Variants in PIK3AP1 observed in about 807,000 individuals in gnomAD.
PIK3AP1 encodes the protein phosphoinositide 3-kinase adapter protein 1.
A neutral mutation model predicts 88.1 loss-of-function variants in PIK3AP1; 21 were observed. The observed-to-expected ratio is 0.24, with a 90% CI of 0.17 to 0.34. The LOEUF (loss-of-function observed/expected upper bound fraction) is 0.34. Ranked by LOEUF, PIK3AP1 falls within the 10% of genes least tolerant of loss-of-function variation. The pLI is 1.00. For missense variants in PIK3AP1, 828 were observed against 1,035.7 expected, an observed-to-expected ratio of 0.80 and a Z score of 2.75; for synonymous variants, 398 against 400.0, an observed-to-expected ratio of 1.00 and a Z score of 0.06.
At position 96,702,032 on chromosome 10, in the gene PIK3AP1, A is replaced by C. The variant is rs929997625; in HGVS notation, c.430+7535T>G. The stretch of plus-strand genomic sequence containing the variant: ...TGGATGAACCTGGAGGACATTATGC[A>C]AAGTGAAATAACCCAGATACAGGAA... On this transcript the variant is annotated intron_variant, in intron 2 of 16. Transcript: ENST00000339364. Among the ~76,000 whole-genome samples the C allele has an allele frequency of 2.0e-5, 3 of 152,236 alleles. No individual in the cohort carries two copies. The East Asian group carries it at 5.8e-4, about 29-fold the overall frequency.
chr10:96,613,400 A>C (rs1849160880), intron 13 of PIK3AP1, among the ~76,000 whole-genome samples: 1 of 152,230 alleles, frequency 6.6e-6, no homozygotes, highest in Non-Finnish European at 1.5e-5. Context: ...GCTGTCAGGC[A>C]GAACGTTCTC....
At chr10:96,636,581 G>C (rs1348781916) in intron 8 of PIK3AP1, among the ~76,000 whole-genome samples, 1 of 152,182 alleles carries the variant, frequency 6.6e-6, no homozygotes, top group Non-Finnish European at 1.5e-5. Context: ...CTGCATTCCT[G>C]GATGCTCAGG....
intron 2 of PIK3AP1, among the ~76,000 whole-genome samples, chr10:96,704,094 T>G (rs561132439): frequency 8.3e-4 from 127 of 152,250 alleles, no homozygotes; most frequent in African/African-American, 3.0e-3. Flanking sequence ...TCCCAACATC[T>G]AGAAACCTGA....
Position 96,604,030 on chromosome 10 carries a change from G to A in PIK3AP1, c.2190C>T (p.Ser730=), listed in dbSNP as rs1453383935. 2 of 1,606,308 alleles carry A rather than the reference G, an allele frequency of 1.2e-6. No individual in the cohort carries two copies. Among genetic ancestry groups the A allele is most frequent in the East Asian group, 2.2e-5 (1 of 44,672 alleles). The part of the protein sequence containing the change: ...SSTASSTSNR[S]STRSLLSVSS... ...TCACACTGAGGAGGCTCCGGGTGCTGGAGCGGTTACTTGTGCTACCTAAAG... is the reference window on the plus strand; with the variant it reads ...TCACACTGAGGAGGCTCCGGGTGCTAGAGCGGTTACTTGTGCTACCTAAAG... Residue 730 remains serine, a synonymous_variant, in exon 15 of 17, where the codon TCC becomes TCT. Transcript: ENST00000339364.
intron 2 of PIK3AP1, among the ~76,000 whole-genome samples, chr10:96,707,192 A>C (rs1229101077): frequency 6.6e-6 from 1 of 152,244 alleles, no homozygotes; most frequent in Non-Finnish European, 1.5e-5. Flanking sequence ...GAAATAGTAG[A>C]AGAGATCAAT....
At chr10:96,596,114 G>T (rs530784896) in intron 16 of PIK3AP1, among the ~76,000 whole-genome samples, 1 of 152,252 alleles carries the variant, frequency 6.6e-6, no homozygotes, top group East Asian at 1.9e-4. Flanking sequence ...CAGTCCAGAT[G>T]CATGCCCCAA....
intron 13 of PIK3AP1, among the ~76,000 whole-genome samples, chr10:96,615,762 G>C (rs1312144827): frequency 6.6e-6 from 1 of 152,152 alleles, no homozygotes; most frequent in East Asian, 1.9e-4. Context: ...CATGAGCAAG[G>C]GGTCCACGGC....
At chr10:96,686,077 T>C (rs904401258) in intron 2 of PIK3AP1, among the ~76,000 whole-genome samples, 2 of 152,220 alleles carry the variant, frequency 1.3e-5, no homozygotes, top group Non-Finnish European at 2.9e-5. Flanking sequence ...AAACTGCATT[T>C]GATGCTTTAT....
intron 10 of PIK3AP1, among the ~76,000 whole-genome samples, 174 bp downstream of exon 10, chr10:96,626,534 C>A (rs1455369902): frequency 7.2e-5 from 11 of 152,334 alleles, no homozygotes; most frequent in Non-Finnish European, 1.5e-5. Context: ...GGTCATTACT[C>A]CTATTCTAGC....
chr10:96,660,214 T>G (rs533501543), intron 2 of PIK3AP1, among the ~76,000 whole-genome samples: 6 of 151,980 alleles, frequency 3.9e-5, no homozygotes, highest in African/African-American at 1.4e-4. Flanking sequence ...AAAAGACATA[T>G]CTAATAAAAT....
intron 2 of PIK3AP1, among the ~76,000 whole-genome samples, chr10:96,658,995 T>C (rs973730044): frequency 1.3e-4 from 19 of 151,854 alleles, no homozygotes; most frequent in African/African-American, 4.6e-4. Flanking sequence ...CACACCCTTC[T>C]CTCCTTGACT....
intron 13 of PIK3AP1, 105 bp downstream of exon 13, chr10:96,616,534 G>T: frequency 8.6e-7 from 1 of 1,168,692 alleles, no homozygotes; most frequent in Non-Finnish European, 1.3e-6. Flanking sequence ...TATGACGAGT[G>T]CTGGGCAAGT....
At position 96,709,907 on chromosome 10, in the gene PIK3AP1, C is replaced by T; in HGVS notation, c.90G>A (p.Leu30=). 1.2e-6 allele frequency: 2 copies of T among 1,612,204 alleles called. No individual in the cohort carries two copies. Among genetic ancestry groups the T allele is most frequent in the Non-Finnish European group, 1.7e-6 (2 of 1,178,944 alleles). Reference sequence around the variant, plus strand: ...TGCGGACCTGCCGACTGGACAGGAACAGGGTCTGCAGGTACTGGCACCATT... The same window carrying T: ...TGCGGACCTGCCGACTGGACAGGAATAGGGTCTGCAGGTACTGGCACCATT... ...AEEWCQYLQT[L]FLSSRQVRSQ... The change falls in exon 2 of 17, where the codon CTG becomes CTA. Residue 30 remains leucine (L), a synonymous_variant. Coordinates refer to ENST00000339364, the MANE Select transcript of PIK3AP1 (RefSeq NM_152309.3).
chr10:96,687,119 G>A (rs11188886), intron 2 of PIK3AP1, among the ~76,000 whole-genome samples: 3,393 of 151,902 alleles, frequency 0.022, 45 homozygotes, highest in Middle Eastern at 0.058. Context: ...AGCCGGGTGC[G>A]GTGGCGGGCG....
At chr10:96,632,144 C>T (rs1352223191) in intron 8 of PIK3AP1, among the ~76,000 whole-genome samples, 2 of 152,102 alleles carry the variant, frequency 1.3e-5, no homozygotes, top group African/African-American at 2.4e-5. Context: ...TGCTGCAAAC[C>T]GAAGGAGACT....
Position 96,602,348 on chromosome 10 carries a change from T to G in PIK3AP1, c.2292A>C (p.Gln764His), listed in dbSNP as rs1442297469. The G allele has an allele frequency of 6.8e-6, 11 of 1,612,246 alleles. No individual in the cohort carries two copies. The highest frequency in any genetic ancestry group is 9.3e-6 in the Non-Finnish European group (11 of 1,179,082). Residue 764 changes from glutamine (Q) to histidine (H), a missense_variant, in exon 16 of 17, where the codon CAA becomes CAC. Gln to His is a conservative substitution (Grantham distance 24, BLOSUM62 0). Around this residue, in one of 3 missense-constraint regions of PIK3AP1, gnomAD observed 191 missense variants for 208.6 expected, o/e 0.92. Transcript: ENST00000339364. ...GGGACATGGTGGGTGTCCCATCCACTTGTGGGGGGCCTGGACTGCGACTTC... is the reference window on the plus strand; with the variant it reads ...GGGACATGGTGGGTGTCCCATCCACGTGTGGGGGGCCTGGACTGCGACTTC... ...VTRSRSPGPP[Q>H]VDGTPTMSLE... is the part of the protein sequence containing the mutation.
intron 12 of PIK3AP1, among the ~76,000 whole-genome samples, chr10:96,619,728 G>A (rs150998291): frequency 6.6e-6 from 1 of 152,326 alleles, no homozygotes; most frequent in Non-Finnish European, 1.5e-5. Context: ...GGTAGAGCAA[G>A]AGTCTCCTCT....
chr10:96,656,531 C>T (rs555859190), intron 3 of PIK3AP1, among the ~76,000 whole-genome samples: 32 of 152,298 alleles, frequency 2.1e-4, no homozygotes, highest in African/African-American at 5.5e-4. Flanking sequence ...GTCTGCTGGT[C>T]TCCTAGGTGC....
chr10:96,653,220 C>T (rs947268827), intron 3 of PIK3AP1, among the ~76,000 whole-genome samples: 26 of 151,824 alleles, frequency 1.7e-4, no homozygotes, highest in South Asian at 6.2e-4. Flanking sequence ...GCCTGGCCAA[C>T]ATGGTGAAAC....
Sources: allele counts gnomAD v4.1 joint callset (sites outside exome capture counted in the v4.1 genomes callset), GRCh38; gene constraint gnomAD v4.1.1; regional missense constraint gnomAD v4.1.1; transcripts MANE v1.5; gene names NCBI Gene and HGNC (gene_info 2026-07-23, HGNC 2026-07-21).